The following ANK3 variants were observed in gnomAD, a reference collection of about 807,000 sequenced individuals.
The protein encoded by ANK3 is ankyrin-3.
In ANK3, 57 loss-of-function variants were observed where a neutral mutation model predicts 370.9. The ratio of observed to expected loss-of-function variants is 0.15; its 90% CI spans 0.12 to 0.19. The LOEUF (loss-of-function observed/expected upper bound fraction) is 0.19, where lower values mean the gene tolerates loss of function less well. Ranked by LOEUF, ANK3 falls within the 10% of genes least tolerant of loss-of-function variation. The pLI is 1.00. For missense variants in ANK3, 4,439 were observed against 5,302.1 expected (o/e 0.84, Z 5.06); for synonymous variants, 1,929 against 1,946.3 (o/e 0.99, Z 0.23).
At chr10:60,692,750 T>G (rs1267451922) in intron 1 of ANK3, among the ~76,000 whole-genome samples, 2 of 152,360 alleles carry the variant, frequency 1.3e-5, no homozygotes, top group East Asian at 3.9e-4. Flanking sequence ...GTCAGATATT[T>G]CCAATTCTTT....
At chr10:60,321,814 T>C (rs928009112) in intron 1 of ANK3, among the ~76,000 whole-genome samples, 1 of 152,188 alleles carries the variant, frequency 6.6e-6, no homozygotes, top group Admixed American at 6.5e-5. Context: ...ATGAGAACAG[T>C]ACATTTATTG....
intron 2 of ANK3, among the ~76,000 whole-genome samples, chr10:60,451,278 C>A (rs767929992): frequency 2.6e-5 from 4 of 152,200 alleles, no homozygotes; most frequent in Non-Finnish European, 5.9e-5. Context: ...GAACACATTT[C>A]TGTTGTTTAA....
At chr10:60,699,905 C>T (rs2079523483) in intron 1 of ANK3, among the ~76,000 whole-genome samples, 1 of 152,046 alleles carries the variant, frequency 6.6e-6, no homozygotes, top group South Asian at 2.1e-4. Flanking sequence ...ATTCGTGATA[C>T]AAATGTTAGA....
intron 1 of ANK3, among the ~76,000 whole-genome samples, chr10:60,624,718 G>A (rs2078384605): frequency 6.8e-6 from 1 of 146,746 alleles, no homozygotes; most frequent in Non-Finnish European, 1.5e-5. Flanking sequence ...GATTATAGTG[G>A]CTTTAAAAAA....
intron 1 of ANK3, among the ~76,000 whole-genome samples, chr10:60,376,999 A>G (rs2060874788): frequency 6.6e-6 from 1 of 152,250 alleles, no homozygotes; most frequent in African/African-American, 2.4e-5. Flanking sequence ...CCATGCTTCA[A>G]AGGAAAGAAA....
In ANK3 at chr10:60,438,886, A is replaced by G. The variant is rs560036973; in HGVS notation, c.97-159247T>C. Among the ~76,000 whole-genome samples the G allele has an allele frequency of 5.4e-4, 83 of 152,366 alleles. No homozygotes were observed. The South Asian group carries it at 0.013, about 23-fold the overall frequency. ...GAAAAGCAGGAAGAAAAATTTTTAA[A>G]TCACGGAAAATCCCTTTGGCCATTT... On this transcript the variant is annotated intron_variant, in intron 2 of 43. Coordinates refer to the ANK3 transcript ENST00000373827.
intron 1 of ANK3, among the ~76,000 whole-genome samples, chr10:60,346,920 G>C (rs1306618272): frequency 6.7e-6 from 1 of 150,014 alleles, no homozygotes; most frequent in Non-Finnish European, 1.5e-5. Context: ...TTTAGGCCCT[G>C]ATATTCTATC....
intron 2 of ANK3, among the ~76,000 whole-genome samples, chr10:60,561,797 C>T (rs1209957069): frequency 6.6e-6 from 1 of 152,166 alleles, no homozygotes; most frequent in Non-Finnish European, 1.5e-5. Flanking sequence ...GGACCCAAGT[C>T]CCTGTGGTGA....
At chr10:60,033,536 A>AAAAAAAAC (rs1554812951) in intron 43 of ANK3, among the ~76,000 whole-genome samples, 1,775 of 98,246 alleles carry the variant, frequency 0.018, no homozygotes, top group Non-Finnish European at 0.03. Context: ...AAAAAAAAAA[A>AAAAAAAAC]AAACTTGGAA....
At chr10:60,390,767 A>ACAC (rs1566994376), upstream of ANK3, among the ~76,000 whole-genome samples, 157 of 49,556 alleles carry the variant, frequency 3.2e-3, 1 homozygote, top group African/African-American at 7.3e-3. Flanking sequence ...CACACACACA[A>ACAC]ACAACAATTT....
intron 7 of ANK3, among the ~76,000 whole-genome samples, chr10:60,255,553 C>T (rs971177178): frequency 6.6e-6 from 1 of 151,972 alleles, no homozygotes; most frequent in Admixed American, 6.5e-5. Flanking sequence ...ATATTTGAGG[C>T]CTAATGTGAG....
In ANK3 at chr10:60,071,645, G is replaced by A. The variant is rs760863871; in HGVS notation, c.9236C>T (p.Pro3079Leu). 7 of 1,609,746 alleles carry A rather than the reference G, an allele frequency of 4.3e-6. No individual in the cohort carries two copies. The Admixed American group carries it at 1.0e-4, about 23-fold the overall frequency. Residue 3079 changes from proline to leucine, a missense_variant, in exon 37 of 44, where the codon CCA becomes CTA. Pro to Leu is a moderately conservative substitution (Grantham distance 98). Coordinates refer to ENST00000280772, the MANE Select transcript of ANK3 (RefSeq NM_020987.5). ...TTTCCCTCCCTCTGTCTGGGCTAGTGGTGCGAGTTTTTCCAATCCATCAAT... is the reference window on the plus strand; with the variant it reads ...TTTCCCTCCCTCTGTCTGGGCTAGTAGTGCGAGTTTTTCCAATCCATCAAT... ...SPIDGLEKLAPLAQTEGGKEI... is the reference protein window; with the variant it reads ...SPIDGLEKLALLAQTEGGKEI...
chr10:60,122,903 T>C (rs1204326905), intron 25 of ANK3, among the ~76,000 whole-genome samples: 1 of 152,222 alleles, frequency 6.6e-6, no homozygotes, highest in African/African-American at 2.4e-5. Context: ...ATGCATCTTA[T>C]CAATGCCTAG....
chr10:60,487,183 G>C (rs879705365), intron 2 of ANK3, among the ~76,000 whole-genome samples: 3 of 152,132 alleles, frequency 2.0e-5, no homozygotes, highest in East Asian at 3.8e-4. Context: ...GAAAATATCT[G>C]TATTTTATTA....
intron 16 of ANK3, among the ~76,000 whole-genome samples, chr10:60,187,923 C>T (rs1039071696): frequency 1.1e-4 from 17 of 152,134 alleles, no homozygotes; most frequent in African/African-American, 3.6e-4. Context: ...TCACACCCTC[C>T]ATGAGGTTTT....
intron 7 of ANK3, among the ~76,000 whole-genome samples, chr10:60,249,759 A>C (rs772602442): frequency 1.7e-4 from 26 of 152,212 alleles, no homozygotes; most frequent in Non-Finnish European, 3.5e-4. Flanking sequence ...CCCAGCTACC[A>C]TCAGTGGCCG....
At chr10:60,394,817 C>A (rs2063182816), upstream of ANK3, among the ~76,000 whole-genome samples, 1 of 152,120 alleles carries the variant, frequency 6.6e-6, no homozygotes, top group Non-Finnish European at 1.5e-5. Flanking sequence ...TAAAAGGAGG[C>A]AGCTGGACCA....
chr10:60,431,650 G>T (rs1266284663), intron 2 of ANK3, among the ~76,000 whole-genome samples: 1 of 152,166 alleles, frequency 6.6e-6, no homozygotes, highest in Non-Finnish European at 1.5e-5. Flanking sequence ...CCTGTTAGCT[G>T]GTGGGGGGGC....
At chr10:60,317,036 G>C (rs1034030100) in intron 1 of ANK3, among the ~76,000 whole-genome samples, 1 of 152,114 alleles carries the variant, frequency 6.6e-6, no homozygotes, top group South Asian at 2.1e-4. Context: ...GTGAGCCACC[G>C]TGCCTGGCCC....
Sources: allele counts gnomAD v4.1 joint callset (sites outside exome capture counted in the v4.1 genomes callset), GRCh38; gene constraint gnomAD v4.1.1; transcripts MANE v1.5; gene names NCBI Gene and HGNC (gene_info 2026-07-23, HGNC 2026-07-21).